Variants in ZNF875 observed in about 807,000 individuals in gnomAD.
ZNF875 encodes the protein HKR1, GLI-Kruppel zinc finger family member.
ZNF875 carries 14 observed loss-of-function variants against 11.2 expected under a neutral mutation model. The observed-to-expected ratio is 1.26, with a 90% CI of 0.83 to 1.96. The LOEUF (loss-of-function observed/expected upper bound fraction) is 1.96. Ranked by LOEUF, ZNF875 falls within the 30% of genes most tolerant of loss-of-function variation. The pLI is 0.00. For missense variants in ZNF875, 752 were observed against 760.4 expected (o/e 0.99, Z 0.13); for synonymous variants, 301 against 281.1 (o/e 1.07, Z -0.71).
intron 4 of ZNF875, among the ~76,000 whole-genome samples, chr19:37,326,309 A>C (rs2032420988): frequency 6.6e-6 from 1 of 152,160 alleles, no homozygotes; most frequent in Admixed American, 6.5e-5. Flanking sequence ...GTACATCCCC[A>C]CTGCTCTCTC....
rs531571078 is a variant in ZNF875 at position 37,328,114 on chromosome 19, C to T, written c.-603+3849C>T. Reference sequence around the variant, plus strand: ...AATTAGCTGGGTGTGGTGGTGCATGCGTGTAACCCCAGCTATTTGGGAGAC... The same window carrying T: ...AATTAGCTGGGTGTGGTGGTGCATGTGTGTAACCCCAGCTATTTGGGAGAC... On this transcript the variant is annotated intron_variant, in intron 4 of 5. Coordinates refer to the ZNF875 transcript ENST00000544914. Among the ~76,000 whole-genome samples, 99 of 152,148 alleles carry T rather than the reference C, an allele frequency of 6.5e-4. 1 individual carries two copies. The highest frequency in any genetic ancestry group is 2.0e-3 in the African/African-American group (81 of 41,516).
chr19:37,343,743 G>T (rs1281588299), intron 2 of ZNF875, among the ~76,000 whole-genome samples: 1 of 152,100 alleles, frequency 6.6e-6, no homozygotes, highest in East Asian at 1.9e-4. Flanking sequence ...CAGGTCCCAT[G>T]GCCAAGCCCA....
chr19:37,318,524 C>CTTTTT (rs1233207140), intron 1 of ZNF875, among the ~76,000 whole-genome samples: 1 of 139,034 alleles, frequency 7.2e-6, no homozygotes, highest in African/African-American at 2.6e-5. Context: ...TATTTGTTTT[C>CTTTTT]TTTTTTTTTT....
At chr19:37,313,871 A>G (rs2030067857), upstream of ZNF875, among the ~76,000 whole-genome samples, 1 of 151,694 alleles carries the variant, frequency 6.6e-6, no homozygotes, top group Non-Finnish European at 1.5e-5. Context: ...TAAAGGCCTT[A>G]CTCCAGGCAG....
At chr19:37,323,696 G>C (rs2031918036) in intron 3 of ZNF875, 1 of 152,162 alleles carries the variant, frequency 6.6e-6, no homozygotes, top group Non-Finnish European at 1.5e-5. Flanking sequence ...AAACGGAAAA[G>C]AGAAAAGGCC....
intron 4 of ZNF875, among the ~76,000 whole-genome samples, chr19:37,355,377 A>G (rs2038717484): frequency 6.6e-6 from 1 of 152,088 alleles, no homozygotes; most frequent in Non-Finnish European, 1.5e-5. Flanking sequence ...TTTAGTAGAG[A>G]CAGGGTTTCA....
chr19:37,325,297 G>A (rs967005955), intron 4 of ZNF875, among the ~76,000 whole-genome samples: 10 of 152,016 alleles, frequency 6.6e-5, no homozygotes, highest in South Asian at 2.1e-4. Context: ...TGTGTCTGTC[G>A]CTTCCCTCCA....
At chr19:37,338,284 G>A (rs928928169) in intron 2 of ZNF875, among the ~76,000 whole-genome samples, 10 of 152,058 alleles carry the variant, frequency 6.6e-5, no homozygotes, top group African/African-American at 2.2e-4. Context: ...CACCACGCCC[G>A]GCTAATTTTT....
intron 4 of ZNF875, among the ~76,000 whole-genome samples, chr19:37,329,641 C>G (rs2033079645): frequency 6.6e-6 from 1 of 152,182 alleles, no homozygotes; most frequent in South Asian, 2.1e-4. Flanking sequence ...GCACATTCCT[C>G]TACCTTATTT....
At chr19:37,330,991 C>T (rs1459091638), upstream of ZNF875, among the ~76,000 whole-genome samples, 3 of 151,968 alleles carry the variant, frequency 2.0e-5, 1 homozygote, top group Non-Finnish European at 1.5e-5. Context: ...TCGAGACCAT[C>T]CTGGCTAACA....
At chr19:37,322,941 G>T (rs1318416077) in intron 2 of ZNF875, among the ~76,000 whole-genome samples, 1 of 152,060 alleles carries the variant, frequency 6.6e-6, no homozygotes. Flanking sequence ...CCACCTCCAC[G>T]AAAATCTGGA....
At chr19:37,345,080 T>C (rs2036519559) in intron 2 of ZNF875, 2 of 259,828 alleles carry the variant, frequency 7.7e-6, no homozygotes, top group African/African-American at 4.3e-5. Context: ...GACCTCTCCC[T>C]CTTGAGATTA....
chr19:37,345,351 G>A (rs1318947810), intron 2 of ZNF875, among the ~76,000 whole-genome samples: 1 of 152,184 alleles, frequency 6.6e-6, no homozygotes, highest in Non-Finnish European at 1.5e-5. Flanking sequence ...CTGAGTGTAG[G>A]TAGAGTCTTA....
At chr19:37,352,733 A>G (rs927084664) in intron 4 of ZNF875, among the ~76,000 whole-genome samples, 1 of 152,056 alleles carries the variant, frequency 6.6e-6, no homozygotes, top group East Asian at 1.9e-4. Context: ...TTAGCACTCA[A>G]ATGTTATTGT....
intron 4 of ZNF875, among the ~76,000 whole-genome samples, chr19:37,349,070 A>G (rs146641191): frequency 8.3e-4 from 126 of 152,232 alleles, no homozygotes; most frequent in East Asian, 7.1e-3. Flanking sequence ...TTTGCTGGCA[A>G]TCCATGGCGT....
At position 37,363,375 on chromosome 19, in the gene ZNF875, G is replaced by A. The variant is rs756409153; in HGVS notation, c.1523G>A (p.Cys508Tyr). The part of the protein sequence containing the change: ...RTHSGEKPFV[C>Y]AECGRGFNDK... Reference sequence around the variant, plus strand: ...CACTCAGGGGAGAAGCCATTTGTATGTGCTGAGTGTGGACGAGGCTTTAAT... The same window carrying A: ...CACTCAGGGGAGAAGCCATTTGTATATGCTGAGTGTGGACGAGGCTTTAAT... The change falls in exon 5 of 5, where the codon TGT (cysteine) becomes TAT (tyrosine). Residue 508 changes from cysteine to tyrosine, a missense_variant. Cys to Tyr is a radical substitution (Grantham distance 194). Coordinates refer to ENST00000392153, the MANE Select transcript of ZNF875 (RefSeq NM_001353803.2). 3 of 1,613,858 alleles carry A rather than the reference G, an allele frequency of 1.9e-6. No homozygotes were observed. The highest frequency in any genetic ancestry group is 2.5e-6 in the Non-Finnish European group (3 of 1,179,888).
At chr19:37,334,597 T>C (rs1317073673), upstream of ZNF875, 12 of 433,674 alleles carry the variant, frequency 2.8e-5, no homozygotes, top group Non-Finnish European at 4.2e-5. Context: ...GCCTCTGCGG[T>C]CACTTCCGCT....
At chr19:37,330,052 AT>A (rs1233237153), upstream of ZNF875, among the ~76,000 whole-genome samples, 2 of 152,194 alleles carry the variant, frequency 1.3e-5, no homozygotes, top group Non-Finnish European at 1.5e-5. Context: ...ATTAAAAAAA[AT>A]CATATACATT....
At chr19:37,359,592 C>T (rs534559703) in intron 4 of ZNF875, 13 of 208,292 alleles carry the variant, frequency 6.2e-5, no homozygotes, top group Non-Finnish European at 1.0e-4. Flanking sequence ...TTAGTAGAGA[C>T]GGGGTTTCAC....
Sources: allele counts gnomAD v4.1 joint callset (sites outside exome capture counted in the v4.1 genomes callset), GRCh38; gene constraint gnomAD v4.1.1; transcripts MANE v1.5; gene names NCBI Gene and HGNC (gene_info 2026-07-23, HGNC 2026-07-21).